The following TGDS variants were observed in gnomAD, a reference collection of about 807,000 sequenced individuals.
TGDS encodes TDP-glucose 4,6-dehydratase, also known as UDP-D-glucose 4,6-dehydratase.
A neutral mutation model predicts 52.3 loss-of-function variants in TGDS; 47 were observed. That is an observed-to-expected ratio of 0.90 (90% CI 0.71 to 1.15). The LOEUF (loss-of-function observed/expected upper bound fraction) is 1.15, where lower values mean the gene tolerates loss of function less well. TGDS is among the 50% of genes most tolerant of loss of function. TGDS has a pLI of 0.00. For missense variants in TGDS, 375 were observed against 418.4 expected (o/e 0.90, Z 0.90); for synonymous variants, 115 against 136.9 (o/e 0.84, Z 1.12).
chr13:94,582,999 T>C (rs1019705174), intron 5 of TGDS, 95 bp downstream of exon 5: 13 of 1,325,422 alleles, frequency 9.8e-6, no homozygotes, highest in African/African-American at 2.9e-5. Context: ...CACAAGTGTA[T>C]ATAATTTGAG....
rs1334148148 is a variant in TGDS, at chr13:94,596,032, TAGCGGCGCCATTACCTACATGAAACC to T, written c.79_86+18del. ...GGTTTCTGGGGAGCCACTGCTTGGCTAGCGGCGCCATTACCTACATGAAACCAGCACCGCCGGTCACCAGGACCCGC... is the reference window on the plus strand; with the variant it reads ...GGTTTCTGGGGAGCCACTGCTTGGCTAGCACCGCCGGTCACCAGGACCCGC... On this transcript the variant is annotated splice_donor_variant and splice_donor_5th_base_variant and coding_sequence_variant and intron_variant, in exon 1 of 12. Transcript: ENST00000261296. LOFTEE classifies it high-confidence loss of function. 1 of 1,613,808 alleles carries T rather than the reference TAGCGGCGCCATTACCTACATGAAACC, an allele frequency of 6.2e-7. No homozygotes were observed. The highest frequency in any genetic ancestry group is 1.1e-5 in the South Asian group (1 of 91,078).
intron 5 of TGDS, among the ~76,000 whole-genome samples, chr13:94,582,768 C>G (rs1019355932): frequency 6.6e-6 from 1 of 152,294 alleles, no homozygotes; most frequent in Middle Eastern, 3.4e-3. Flanking sequence ...AGCCTCCCAG[C>G]CTACATCTTT....
intron 11 of TGDS, 32 bp from the exon 12 acceptor site, chr13:94,574,884 A>G: frequency 7.9e-7 from 1 of 1,273,786 alleles, no homozygotes; most frequent in Non-Finnish European, 1.1e-6. Context: ...CAAAAAAAAA[A>G]AAGAAAAGAA....
At chr13:94,588,194 AG>A (rs1428591754) in intron 4 of TGDS, among the ~76,000 whole-genome samples, 5 of 151,556 alleles carry the variant, frequency 3.3e-5, no homozygotes, top group Non-Finnish European at 7.4e-5. Context: ...TCACCTGAGG[AG>A]GGTGGCTCGT....
chr13:94,574,681 A>G lies in TGDS; in HGVS notation c.*101T>C, dbSNP rs1888533063. The G allele has an allele frequency of 3.1e-6, 2 of 647,110 alleles. No homozygotes were observed. The highest frequency in any genetic ancestry group is 5.8e-5 in the Admixed American group (2 of 34,582). The allele number at this position is 647,110 out of a possible 1,614,324, so 40.1% of individuals were successfully genotyped here. ...ACAGAAAGTCATGAATCTAATTCCA[A>G]AAGAAAAGAGTGCACTTCATTTGGT... On this transcript the variant is annotated 3_prime_UTR_variant, in exon 12 of 12. Coordinates refer to ENST00000261296, the MANE Select transcript of TGDS (RefSeq NM_014305.4).
chr13:94,582,777 T>G (rs964135756), intron 5 of TGDS, among the ~76,000 whole-genome samples: 1 of 152,162 alleles, frequency 6.6e-6, no homozygotes, highest in African/African-American at 2.4e-5. Flanking sequence ...GCCTACATCT[T>G]TCTCCCATGC....
chr13:94,578,459 T>C (rs1453046989), intron 8 of TGDS, among the ~76,000 whole-genome samples: 1 of 152,176 alleles, frequency 6.6e-6, no homozygotes, highest in East Asian at 1.9e-4. Context: ...ATAAGTCCTT[T>C]GAGAAAGTAA....
At chr13:94,588,307 T>C (rs7997333) in intron 4 of TGDS, among the ~76,000 whole-genome samples, 100,426 of 150,488 alleles carry the variant, frequency 0.67, 33,637 homozygotes, top group Middle Eastern at 0.73. Flanking sequence ...CCTGTAATCC[T>C]AGCTACTCAG....
At chr13:94,595,215 CTT>C (rs1889333345) in intron 1 of TGDS, among the ~76,000 whole-genome samples, 1 of 152,118 alleles carries the variant, frequency 6.6e-6, no homozygotes. Context: ...AAGTGTGTAT[CTT>C]GGTGTGTTCC....
chr13:94,587,041 A>G (rs1889015518), intron 4 of TGDS, among the ~76,000 whole-genome samples: 2 of 152,306 alleles, frequency 1.3e-5, no homozygotes, highest in Non-Finnish European at 1.5e-5. Flanking sequence ...CTAGGATTAC[A>G]GGTGTTAGCC....
chr13:94,590,670 A>C (rs1294913669), intron 4 of TGDS, among the ~76,000 whole-genome samples, 183 bp downstream of exon 4: 11 of 152,196 alleles, frequency 7.2e-5, no homozygotes, highest in African/African-American at 2.7e-4. Context: ...GTTGTATTTC[A>C]CTAATATAGC....
intron 6 of TGDS, among the ~76,000 whole-genome samples, chr13:94,580,255 G>A (rs141375816): frequency 1.3e-5 from 2 of 152,110 alleles, no homozygotes; most frequent in Non-Finnish European, 2.9e-5. Flanking sequence ...ACTTTCCAGC[G>A]GATTATTTTA....
At chr13:94,587,623 T>C (rs1407266799) in intron 4 of TGDS, among the ~76,000 whole-genome samples, 1 of 152,070 alleles carries the variant, frequency 6.6e-6, no homozygotes, top group Non-Finnish European at 1.5e-5. Flanking sequence ...GAAATCTAAA[T>C]GTAAAAGGAA....
intron 4 of TGDS, among the ~76,000 whole-genome samples, chr13:94,587,237 C>CT (rs748341970): frequency 6.6e-6 from 1 of 151,790 alleles, no homozygotes; most frequent in Non-Finnish European, 1.5e-5. Context: ...GAAAGTAAGC[C>CT]TAAACAAAGT....
At chr13:94,575,449 C>T (rs1370066187) in intron 11 of TGDS, among the ~76,000 whole-genome samples, 1 of 151,598 alleles carries the variant, frequency 6.6e-6, no homozygotes, top group African/African-American at 2.4e-5. Context: ...GCCACCATGC[C>T]CCGCTGATTT....
chr13:94,577,569 C>T, intron 9 of TGDS, 140 bp from the exon 10 acceptor site: 1 of 618,112 alleles, frequency 1.6e-6, no homozygotes, highest in Non-Finnish European at 2.7e-6. Flanking sequence ...TTTAGTAACA[C>T]TTTCTATACT....
In TGDS at chr13:94,590,897, T is replaced by C. The variant is rs724160004; in HGVS notation, c.269A>G (p.Glu90Gly). 22 of 1,576,560 alleles carry C rather than the reference T, an allele frequency of 1.4e-5. No individual in the cohort carries two copies. The highest frequency in any genetic ancestry group is 2.0e-5 in the Admixed American group (1 of 49,318). Reference protein sequence around the residue: ...SHFVKLLFETEKIDIVLHFAA... With the variant: ...SHFVKLLFETGKIDIVLHFAA... ...AAAATGTAGTACTATATCTATTTTC[T>C]CTGTTTCAAAAAGCAGTTTCACAAA... The change falls in exon 4 of 12, where the codon GAG becomes GGG. Residue 90 changes from glutamate to glycine, a missense_variant. Physicochemically the swap from Glu to Gly is moderately conservative, Grantham distance 98. Coordinates refer to ENST00000261296, the MANE Select transcript of TGDS (RefSeq NM_014305.4).
intron 6 of TGDS, 39 bp from the exon 7 acceptor site, chr13:94,579,992 CTAA>C: frequency 1.5e-6 from 2 of 1,306,814 alleles, no homozygotes; most frequent in Middle Eastern, 2.0e-4. Context: ...TTAAAAAGGT[CTAA>C]TAATAATGAT....
At chr13:94,594,015 AT>A in intron 1 of TGDS, 108 bp from the exon 2 acceptor site, 1 of 663,066 alleles carries the variant, frequency 1.5e-6, no homozygotes, top group Non-Finnish European at 2.6e-6. Context: ...GATAACTTTA[AT>A]TTTTTCTAAG....
Sources: gnomAD v4.1 joint callset for allele counts (sites outside exome capture counted in the v4.1 genomes callset) on GRCh38, gnomAD v4.1.1 for gene constraint, MANE v1.5 for transcripts, NCBI Gene and HGNC (gene_info 2026-07-23, HGNC 2026-07-21) for gene names.